ACTA2: variants seen among roughly 807,000 people sequenced by gnomAD.
The protein encoded by ACTA2 is actin, aortic smooth muscle.
A neutral mutation model predicts 39.5 loss-of-function variants in ACTA2; 12 were observed. The observed-to-expected ratio is 0.30, with a 90% confidence interval of 0.19 to 0.49. The LOEUF (loss-of-function observed/expected upper bound fraction) is 0.49, where lower values mean the gene tolerates loss of function less well. Ranked by LOEUF, ACTA2 falls within the 20% of genes least tolerant of loss-of-function variation. The pLI is 0.99. For missense variants in ACTA2, 236 were observed against 498.8 expected (o/e 0.47, Z 5.02); for synonymous variants, 158 against 180.6 (o/e 0.88, Z 1.00).
At chr10:88,984,481 C>T (rs1846815096) in intron 1 of ACTA2, among the ~76,000 whole-genome samples, 1 of 152,230 alleles carries the variant, frequency 6.6e-6, no homozygotes, top group Non-Finnish European at 1.5e-5. Flanking sequence ...GCAAATGACA[C>T]TAGCACCAAA....
rs537778773 is a variant in ACTA2, at chr10:88,967,021, G to A, written c.-23-18068C>T. ...AGGCTGTGTGCCAAGATCAGCCTGGGAGTTTATACAACACTTATTTTAGCT... is the reference window on the plus strand; with the variant it reads ...AGGCTGTGTGCCAAGATCAGCCTGGAAGTTTATACAACACTTATTTTAGCT... On this transcript the variant is annotated intron_variant, in intron 1 of 4. Transcript: ENST00000415557. 3.9e-5 allele frequency among the ~76,000 whole-genome samples: 6 copies of A among 152,292 alleles called. No homozygotes were observed. In the South Asian group the frequency reaches 1.2e-3, roughly 32 times the overall value.
At chr10:88,959,776 C>T (rs2133296194) in intron 1 of ACTA2, among the ~76,000 whole-genome samples, 1 of 152,236 alleles carries the variant, frequency 6.6e-6, no homozygotes, top group South Asian at 2.1e-4. Context: ...TAAGTCAAGT[C>T]TCTTTAGCCA....
Position 88,947,524 on chromosome 10 carries a change from A to C in ACTA2, c.130-138T>G, listed in dbSNP as rs1845974056. ...AGCAACAATAAACATATTGAGTCTC[A>C]TTGCCACTATGCTCTTAAGCAAAAT... On this transcript the variant is annotated intron_variant, in intron 2 of 8. Coordinates refer to ENST00000224784, the MANE Select transcript of ACTA2 (RefSeq NM_001613.4). 6.0e-5 allele frequency: 79 copies of C among 1,323,010 alleles called. No individual in the cohort carries two copies. The South Asian group carries it at 9.3e-4, about 16-fold the overall frequency. The allele number at this position is 1,323,010 out of a possible 1,614,324, so 82.0% of individuals were successfully genotyped here.
chr10:88,941,957 AG>A, intron 4 of ACTA2, 88 bp from the exon 5 acceptor site: 1 of 1,259,996 alleles, frequency 7.9e-7, no homozygotes, highest in Non-Finnish European at 1.1e-6. Context: ...ATGGATGCAG[AG>A]GGGCCTGACC....
In ACTA2 at chr10:88,938,087, G is replaced by A. The variant is rs1845777231; in HGVS notation, c.964C>T (p.Leu322=). ...ADRMQKEITA[L]APSTMKIKII... ...TTGATCTTCATGGTGCTGGGTGCTA[G>A]GGCCGTGATCTCCTTCTGCATTCGG... Residue 322 remains leucine, a synonymous_variant, in exon 8 of 9, where the codon CTA becomes TTA. Transcript: ENST00000224784. 1 of 1,613,986 alleles carries A rather than the reference G, an allele frequency of 6.2e-7. No individual in the cohort carries two copies. Among genetic ancestry groups the A allele is most frequent in the South Asian group, 1.1e-5 (1 of 91,084 alleles).
chr10:88,983,639 A>C (rs917859655), intron 1 of ACTA2, among the ~76,000 whole-genome samples: 10 of 95,116 alleles, frequency 1.1e-4, no homozygotes, highest in South Asian at 3.5e-4. Flanking sequence ...AAAAAAAAAA[A>C]CACACACACA....
intron 1 of ACTA2, among the ~76,000 whole-genome samples, chr10:88,959,575 G>A (rs1205523984): frequency 6.6e-6 from 1 of 152,192 alleles, no homozygotes; most frequent in Admixed American, 6.5e-5. Context: ...AAGTTGTGAA[G>A]ATAATACAGA....
At chr10:88,936,417 G>T (rs764731665) in intron 8 of ACTA2, among the ~76,000 whole-genome samples, 1 of 152,188 alleles carries the variant, frequency 6.6e-6, no homozygotes, top group Admixed American at 6.5e-5. Flanking sequence ...GTAATCCCCC[G>T]TGTTGGAGGT....
chr10:88,945,436 CGATA>C (rs1293806794), intron 3 of ACTA2, among the ~76,000 whole-genome samples: 2 of 151,970 alleles, frequency 1.3e-5, no homozygotes, highest in Admixed American at 1.3e-4. Context: ...AGTAGTGAGC[CGATA>C]GATAAATAAA....
rs7086301 is a variant in ACTA2 at position 88,973,478 on chromosome 10, T to A, written c.-24+17461A>T. On this transcript the variant is annotated intron_variant, in intron 1 of 4. Transcript: ENST00000415557. The stretch of plus-strand genomic sequence containing the variant: ...GAAAAACACGTCATTTCATCTTGAT[T>A]ATCAGTTTCTCAAGTACTCATGGAT... 2.0e-3 allele frequency: 1,644 copies of A among 825,990 alleles called. 15 individuals carry two copies. The African/African-American group carries it at 0.026, about 13-fold the overall frequency. The allele number at this position is 825,990 out of a possible 1,614,324, so 51.2% of individuals were successfully genotyped here.
At chr10:88,979,611 A>C (rs1571014) in intron 1 of ACTA2, among the ~76,000 whole-genome samples, 54,402 of 148,934 alleles carry the variant, frequency 0.37, 10,967 homozygotes, top group East Asian at 0.8. Context: ...GTTAATGATG[A>C]CTTTTTTTTT....
At chr10:88,963,161 A>G (rs1321779796) in intron 1 of ACTA2, among the ~76,000 whole-genome samples, 4 of 151,380 alleles carry the variant, frequency 2.6e-5, no homozygotes. Flanking sequence ...ACAATTCAAG[A>G]TGAGACTTGG....
rs142575297 is a variant in ACTA2 at position 88,972,000 on chromosome 10, C to T, written c.-24+18939G>A. Reference sequence around the variant, plus strand: ...CTCAGCTCACTGCAACTTCTGCCTCCCCAGTTCATGCTATTCTCCTGCTTC... The same window carrying T: ...CTCAGCTCACTGCAACTTCTGCCTCTCCAGTTCATGCTATTCTCCTGCTTC... On this transcript the variant is annotated intron_variant, in intron 1 of 4. Coordinates refer to the ACTA2 transcript ENST00000415557. Among the ~76,000 whole-genome samples, 937 of 152,080 alleles carry T rather than the reference C, an allele frequency of 6.2e-3. 3 individuals carry two copies. The highest frequency in any genetic ancestry group is 9.0e-3 in the Non-Finnish European group (613 of 67,988).
chr10:88,935,617 T>C, intron 8 of ACTA2: 1 of 417,814 alleles, frequency 2.4e-6, no homozygotes, highest in South Asian at 2.3e-5. Context: ...TCGACCACAT[T>C]ATTGAGCAAA....
chr10:88,983,549 G>T (rs953844589), intron 1 of ACTA2, among the ~76,000 whole-genome samples: 1 of 119,782 alleles, frequency 8.3e-6, no homozygotes, highest in African/African-American at 3.1e-5. Flanking sequence ...TATAAAATAG[G>T]ATGGTAACAG....
At chr10:88,983,554 T>G (rs1470158503) in intron 1 of ACTA2, among the ~76,000 whole-genome samples, 1 of 126,462 alleles carries the variant, frequency 7.9e-6, no homozygotes, top group East Asian at 2.2e-4. Flanking sequence ...AATAGGATGG[T>G]AACAGGACCT....
At chr10:88,945,810 GT>G (rs1845936393) in intron 3 of ACTA2, among the ~76,000 whole-genome samples, 4 of 152,158 alleles carry the variant, frequency 2.6e-5, no homozygotes. Flanking sequence ...GATGTTTAGA[GT>G]GAGTTAATGA....
At chr10:88,988,739 G>A (rs1430275052) in intron 1 of ACTA2, among the ~76,000 whole-genome samples, 1 of 152,172 alleles carries the variant, frequency 6.6e-6, no homozygotes, top group East Asian at 1.9e-4. Flanking sequence ...TTCATTAGGT[G>A]TTCATTCAAT....
intron 4 of ACTA2, among the ~76,000 whole-genome samples, chr10:88,942,490 G>A (rs1845874024): frequency 6.6e-6 from 1 of 152,108 alleles, no homozygotes; most frequent in African/African-American, 2.4e-5. Flanking sequence ...GGCCATTCTG[G>A]TTGCAGTGGG....
Sources: gnomAD v4.1 joint callset for allele counts (sites outside exome capture counted in the v4.1 genomes callset) on GRCh38, gnomAD v4.1.1 for gene constraint, MANE v1.5 for transcripts, NCBI Gene and HGNC (gene_info 2026-07-23, HGNC 2026-07-21) for gene names.